CABP4: variants seen among roughly 807,000 people sequenced by gnomAD.
CABP4 encodes calcium binding protein 4.
CABP4 carries 30 observed loss-of-function variants against 30.7 expected under a neutral mutation model. The observed-to-expected ratio is 0.98, with a 90% CI of 0.73 to 1.33. CABP4 has a LOEUF of 1.33. CABP4 is among the 40% of genes most tolerant of loss of function. The pLI, the probability that CABP4 is intolerant of heterozygous loss-of-function variation, is 0.00. For synonymous variants in CABP4, 161 were observed against 159.2 expected (o/e 1.01, Z -0.08); for missense variants, 424 against 395.5 (o/e 1.07, Z -0.61).
upstream of CABP4, chr11:67,452,996 C>G: frequency 2.6e-6 from 1 of 389,258 alleles, no homozygotes. Context: ...CAGGGCTCAA[C>G]CCAGACTTTT....
At chr11:67,452,889 A>G, upstream of CABP4, 7 of 611,304 alleles carry the variant, frequency 1.1e-5, no homozygotes, top group South Asian at 1.6e-4. Context: ...TATGCCAAGG[A>G]CTTGAAGTGG....
At position 67,458,705 on chromosome 11, in the gene CABP4, GC is replaced by G. The variant is rs1565164037; in HGVS notation, c.*48del. ...GTTGCCCCTGCGGCCCCAGACACCA[GC>G]CAGACCCAGGCTGCAGGCCTCCCCC... is the stretch of plus-strand genomic sequence containing the variant. On this transcript the variant is annotated 3_prime_UTR_variant, in exon 6 of 6. Transcript: ENST00000325656. 17 of 1,612,088 alleles carry G rather than the reference GC, an allele frequency of 1.1e-5. No homozygotes were observed. Among genetic ancestry groups the G allele is most frequent in the Non-Finnish European group, 1.4e-5 (16 of 1,179,524 alleles).
In CABP4 at chr11:67,455,564, G is replaced by A; in HGVS notation, c.141G>A (p.Gly47=). ...LTRKRSKKER[G]LRGSRKRTGS... is the part of the protein sequence containing the mutation. ...GGAAGAGGAGCAAGAAGGAGAGGGG[G>A]CTCCGAGGGTCTCGAAAGCGCACTG... Residue 47 remains glycine, a synonymous_variant, in exon 1 of 6, where the codon GGG becomes GGA. Transcript: ENST00000325656. 15 of 1,602,268 alleles carry A rather than the reference G, an allele frequency of 9.4e-6. No homozygotes were observed. The highest frequency in any genetic ancestry group is 1.2e-5 in the Non-Finnish European group (14 of 1,175,794).
upstream of CABP4, chr11:67,452,503 G>T (rs760949165): frequency 6.2e-7 from 1 of 1,610,656 alleles, no homozygotes; most frequent in East Asian, 2.2e-5. Context: ...AGTCAGAGAG[G>T]GCCAGGCTGA....
intron 3 of CABP4, 129 bp from the exon 4 acceptor site, chr11:67,457,444 A>T: frequency 1.3e-6 from 1 of 767,604 alleles, no homozygotes; most frequent in Non-Finnish European, 2.3e-6. Context: ...TATCTGCTGC[A>T]GGCGTGGACA....
chr11:67,458,795 C>A lies in CABP4; in HGVS notation c.*136C>A. ...CAGACTACTTCTATCCCTGAAAACA[C>A]CTGGCCTCAATGTTGGCTTGTTATG... is the stretch of plus-strand genomic sequence containing the variant. On this transcript the variant is annotated 3_prime_UTR_variant, in exon 6 of 6. Transcript: ENST00000325656. 3 of 1,059,838 alleles carry A rather than the reference C, an allele frequency of 2.8e-6. No individual in the cohort carries two copies. Among genetic ancestry groups the A allele is most frequent in the South Asian group, 1.3e-5 (1 of 76,568 alleles). 65.7% of individuals were successfully genotyped at this position (1,059,838 alleles called of 1,614,324 possible).
In CABP4 at chr11:67,456,351, C is replaced by T. The variant is rs1410285049; in HGVS notation, c.450C>T (p.Ser150=). 1 of 1,613,656 alleles carries T rather than the reference C, an allele frequency of 6.2e-7. No homozygotes were observed. The highest frequency in any genetic ancestry group is 1.3e-5 in the African/African-American group (1 of 74,922). ...ACACTGACCGTGACGGCTACATCAG[C>T]CACCGGGAGCTGGGTGACTGCATGC... ...EFDTDRDGYI[S]HRELGDCMRT... is the part of the protein sequence containing the mutation. The change falls in exon 3 of 6, where the codon AGC becomes AGT. Residue 150 remains serine, a synonymous_variant. Transcript: ENST00000325656.
chr11:67,457,749 C>A, intron 4 of CABP4, 67 bp downstream of exon 4: 2 of 1,331,088 alleles, frequency 1.5e-6, no homozygotes, highest in Non-Finnish European at 2.1e-6. Flanking sequence ...GCCTCTCACT[C>A]AGGTCTCAGC....
intron 4 of CABP4, 76 bp from the exon 5 acceptor site, chr11:67,458,295 A>G (rs1864893465): frequency 1.8e-6 from 2 of 1,140,056 alleles, no homozygotes; most frequent in Non-Finnish European, 2.3e-6. Flanking sequence ...AAAATAAAAT[A>G]AAAAATAAAA....
Position 67,455,566 on chromosome 11 carries a change from T to A in CABP4, c.143T>A (p.Leu48His), listed in dbSNP as rs747441168. The A allele has an allele frequency of 4.4e-6, 7 of 1,601,632 alleles. No homozygotes were observed. The highest frequency in any genetic ancestry group is 2.7e-5 in the African/African-American group (2 of 74,840). Reference protein sequence around the residue: ...TRKRSKKERGLRGSRKRTGSS... With the variant: ...TRKRSKKERGHRGSRKRTGSS... ...AAGAGGAGCAAGAAGGAGAGGGGGC[T>A]CCGAGGGTCTCGAAAGCGCACTGGC... Residue 48 changes from leucine (L) to histidine (H), a missense_variant, in exon 1 of 6, where the codon CTC becomes CAC. Transcript: ENST00000325656.
In CABP4 at chr11:67,455,410, G is replaced by T; in HGVS notation, c.-14G>T. ...CAGGGGTGTGGTGTCTCTGAGCCCT[G>T]TTATCCCTCCCCCATGACCACAGAG... On this transcript the variant is annotated 5_prime_UTR_variant, in exon 1 of 6. Transcript: ENST00000325656. 1 of 1,602,776 alleles carries T rather than the reference G, an allele frequency of 6.2e-7. No homozygotes were observed. The highest frequency in any genetic ancestry group is 8.5e-7 in the Non-Finnish European group (1 of 1,175,184).
intron 1 of CABP4, 122 bp from the exon 2 acceptor site, chr11:67,456,066 G>C: frequency 6.3e-7 from 1 of 1,585,602 alleles, no homozygotes; most frequent in Admixed American, 1.7e-5. Flanking sequence ...CGAGGCTTCA[G>C]GGTCCTTTTC....
rs746596431 is a variant in CABP4, at chr11:67,455,763, C to A, written c.340C>A (p.Pro114Thr). The A allele has an allele frequency of 1.1e-5, 18 of 1,588,608 alleles. No individual in the cohort carries two copies. The highest frequency in any genetic ancestry group is 1.5e-5 in the Non-Finnish European group (17 of 1,168,742). The change falls in exon 1 of 6, where the codon CCC (proline) becomes ACC (threonine). Residue 114 changes from proline (P) to threonine (T), a missense_variant. Coordinates refer to ENST00000325656, the MANE Select transcript of CABP4 (RefSeq NM_145200.5). ...LHDAAQRTYGPLLNRVFGKDR... is the reference protein window; with the variant it reads ...LHDAAQRTYGTLLNRVFGKDR... ...CGACGCTGCTCAGAGGACATACGGG[C>A]CCCTGCTCAATCGAGTCTTCGGGAA...
At chr11:67,457,485 G>C (rs2135182108) in intron 3 of CABP4, 88 bp from the exon 4 acceptor site, 3 of 1,105,890 alleles carry the variant, frequency 2.7e-6, no homozygotes, top group Admixed American at 4.0e-5. Flanking sequence ...CAGAGCCTGG[G>C]GGTGGGGGTG....
At chr11:67,452,644 G>C (rs1864603684), upstream of CABP4, 2 of 1,613,270 alleles carry the variant, frequency 1.2e-6, no homozygotes, top group South Asian at 1.1e-5. Context: ...AGCCACCTTG[G>C]GGGTAGGAGT....
rs765324439 is a variant in CABP4 at position 67,457,678 on chromosome 11, G to A, written c.647G>A (p.Arg216Gln). 7 of 1,578,078 alleles carry A rather than the reference G, an allele frequency of 4.4e-6. No homozygotes were observed. The East Asian group carries it at 9.2e-5, about 21-fold the overall frequency. The change falls in exon 4 of 6, where the codon CGA becomes CAA. Residue 216 changes from arginine to glutamine, a missense_variant. Coordinates refer to ENST00000325656, the MANE Select transcript of CABP4 (RefSeq NM_145200.5). ...LGVRELRIAFREFDRDRDGRI... is the reference protein window; with the variant it reads ...LGVRELRIAFQEFDRDRDGRI... ...GTGCGAGAGCTGCGCATCGCCTTCC[G>A]AGAGGTGCGGAGTGTGGTGAGGTGG...
intron 1 of CABP4, 57 bp from the exon 2 acceptor site, chr11:67,456,131 G>A (rs1445165160): frequency 1.9e-6 from 3 of 1,612,910 alleles, no homozygotes; most frequent in African/African-American, 1.3e-5. Flanking sequence ...GGATGAAGGA[G>A]GAAGGATGAC....
rs992529853 is a variant in CABP4, at chr11:67,459,334, G to C, written c.*675G>C. On this transcript the variant is annotated 3_prime_UTR_variant, in exon 6 of 6. Coordinates refer to ENST00000325656, the MANE Select transcript of CABP4 (RefSeq NM_145200.5). The stretch of plus-strand genomic sequence containing the variant: ...TGTAAGAGGGAGCTGACGCTGTGGG[G>C]GTTTCAGATCTGGATGGAGGCTTGG... 5.8e-5 allele frequency: 9 copies of C among 154,062 alleles called. No homozygotes were observed. Among genetic ancestry groups the C allele is most frequent in the Admixed American group, 5.8e-4 (9 of 15,576 alleles). The allele number at this position is 154,062 out of a possible 1,614,324, so 9.5% of individuals were successfully genotyped here.
intron 4 of CABP4, 70 bp downstream of exon 4, chr11:67,457,752 G>A (rs1223885404): frequency 1.7e-5 from 22 of 1,327,276 alleles, no homozygotes; most frequent in Non-Finnish European, 2.3e-5. Context: ...TCTCACTCAG[G>A]TCTCAGCCTT....
Sources: allele counts gnomAD v4.1 joint callset, GRCh38; gene constraint gnomAD v4.1.1; transcripts MANE v1.5; gene names NCBI Gene and HGNC (gene_info 2026-07-23, HGNC 2026-07-21).